The following RAB38 variants were observed in gnomAD, a reference collection of about 807,000 sequenced individuals.
RAB38 encodes the protein ras-related protein Rab-38.
RAB38 carries 15 observed loss-of-function variants against 18.4 expected under a neutral mutation model. The ratio of observed to expected loss-of-function variants is 0.82; its 90% CI spans 0.55 to 1.26. The LOEUF (loss-of-function observed/expected upper bound fraction) is 1.26, where lower values mean the gene tolerates loss of function less well. RAB38 is among the 50% of genes most tolerant of loss of function. The probability of loss-of-function intolerance (pLI) is 0.00; values close to 1 mark genes in which losing one functional copy is unlikely to be tolerated. For synonymous variants in RAB38, 101 were observed against 104.4 expected (o/e 0.97, Z 0.20); for missense variants, 294 against 267.4 (o/e 1.10, Z -0.69).
chr11:87,831,561 G>A, the RAB38 span, among the ~76,000 whole-genome samples: 1 of 152,256 alleles, frequency 6.6e-6, no homozygotes, highest in East Asian at 1.9e-4. Flanking sequence ...AAGCCCAAAG[G>A]TAACAGTGAG....
chr11:88,107,170 T>C, the RAB38 span, among the ~76,000 whole-genome samples: 2 of 152,152 alleles, frequency 1.3e-5, no homozygotes, highest in Non-Finnish European at 2.9e-5. Flanking sequence ...CCATTTAAAG[T>C]ATAGCATTCA....
the RAB38 span, among the ~76,000 whole-genome samples, chr11:87,937,662 T>C: frequency 6.6e-6 from 1 of 151,982 alleles, no homozygotes; most frequent in African/African-American, 2.4e-5. Context: ...TGGTGGTAGT[T>C]TATGTTTTCA....
At chr11:88,173,704 A>G in intron 1 of RAB38, 1 of 982,062 alleles carries the variant, frequency 1.0e-6, no homozygotes, top group Non-Finnish European at 1.2e-6. Flanking sequence ...GCAAGAAAGT[A>G]CACAGAGAGA....
At chr11:88,063,240 GT>G in the RAB38 span, among the ~76,000 whole-genome samples, 708 of 152,174 alleles carry the variant, frequency 4.7e-3, 3 homozygotes, top group African/African-American at 0.016. Flanking sequence ...GGATCACTAA[GT>G]TTTTGAGGTA....
the RAB38 span, among the ~76,000 whole-genome samples, chr11:87,949,438 A>C: frequency 5.3e-5 from 8 of 151,822 alleles, no homozygotes; most frequent in Non-Finnish European, 1.2e-4. Context: ...CTAGTTTTTG[A>C]ATGTGTTTGC....
At chr11:88,021,853 C>CAA in the RAB38 span, among the ~76,000 whole-genome samples, 6,322 of 120,290 alleles carry the variant, frequency 0.053, 325 homozygotes, top group African/African-American at 0.084. Flanking sequence ...AACTCCATCT[C>CAA]AAAAAAAAAA....
At chr11:88,069,609 A>C in the RAB38 span, among the ~76,000 whole-genome samples, 1 of 152,192 alleles carries the variant, frequency 6.6e-6, no homozygotes, top group Admixed American at 6.5e-5. Flanking sequence ...TGGATGCACC[A>C]ATCAGCACTC....
chr11:87,828,431 T>C, the RAB38 span, among the ~76,000 whole-genome samples: 6 of 152,192 alleles, frequency 3.9e-5, no homozygotes, highest in African/African-American at 1.4e-4. Context: ...CAGTTAAGAA[T>C]GTTTAAAAGG....
chr11:88,080,853 AGGAG>A, the RAB38 span, among the ~76,000 whole-genome samples: 86,772 of 135,556 alleles, frequency 0.64, 27,880 homozygotes, highest in African/African-American at 0.72. Context: ...GAAGGAAGGA[AGGAG>A]GGAGGGAGGG....
intron 2 of RAB38, among the ~76,000 whole-genome samples, chr11:88,146,564 G>C (rs1942989163): frequency 6.6e-6 from 1 of 152,184 alleles, no homozygotes; most frequent in African/African-American, 2.4e-5. Flanking sequence ...GTTTAATCTA[G>C]GCCTCAGTTT....
the RAB38 span, among the ~76,000 whole-genome samples, chr11:87,960,366 A>G: frequency 2.8e-5 from 4 of 144,446 alleles, no homozygotes; most frequent in East Asian, 8.0e-4. Flanking sequence ...CCTTAAACAG[A>G]GATGGAAGAC....
chr11:87,907,107 T>C, the RAB38 span, among the ~76,000 whole-genome samples: 15 of 152,046 alleles, frequency 9.9e-5, no homozygotes, highest in South Asian at 2.1e-4. Flanking sequence ...TAAATAGTTA[T>C]GTATGGTATG....
chr11:88,057,162 A>G, the RAB38 span, among the ~76,000 whole-genome samples: 703 of 152,320 alleles, frequency 4.6e-3, 4 homozygotes, highest in African/African-American at 0.016. Context: ...CTTCCCTGAG[A>G]CAAGCATGCA....
the RAB38 span, among the ~76,000 whole-genome samples, chr11:87,896,736 G>A: frequency 2.0e-5 from 3 of 151,656 alleles, no homozygotes; most frequent in African/African-American, 4.8e-5. Flanking sequence ...GTTACTAATC[G>A]TATTGACCCT....
chr11:87,920,766 C>T, the RAB38 span, among the ~76,000 whole-genome samples: 1 of 151,988 alleles, frequency 6.6e-6, no homozygotes, highest in Non-Finnish European at 1.5e-5. Flanking sequence ...GTATTGTAGT[C>T]TATTTCTCCC....
the RAB38 span, among the ~76,000 whole-genome samples, chr11:87,828,482 A>AT: frequency 6.6e-6 from 1 of 152,224 alleles, no homozygotes; most frequent in Non-Finnish European, 1.5e-5. Context: ...ATGGGTTTGC[A>AT]TCCTTTCCTC....
At chr11:87,834,082 T>C in the RAB38 span, among the ~76,000 whole-genome samples, 1 of 151,194 alleles carries the variant, frequency 6.6e-6, no homozygotes, top group Non-Finnish European at 1.5e-5. Context: ...GAGATTGGAG[T>C]TGTGGTTGTT....
At chr11:88,071,967 T>G in the RAB38 span, among the ~76,000 whole-genome samples, 1 of 152,226 alleles carries the variant, frequency 6.6e-6, no homozygotes, top group African/African-American at 2.4e-5. Flanking sequence ...GCATGCCCAT[T>G]GTAAGTCATA....
chr11:87,848,872 TATTA>T, the RAB38 span, among the ~76,000 whole-genome samples: 9 of 148,910 alleles, frequency 6.0e-5, no homozygotes, highest in Non-Finnish European at 1.3e-4. Flanking sequence ...AACATGTAAT[TATTA>T]ATTCTTTATT....
Sources: allele counts gnomAD v4.1 joint callset (sites outside exome capture counted in the v4.1 genomes callset), GRCh38; gene constraint gnomAD v4.1.1; transcripts MANE v1.5; gene names NCBI Gene and HGNC (gene_info 2026-07-23, HGNC 2026-07-21).